Variants in MEOX2 observed in about 807,000 individuals in gnomAD.
MEOX2 encodes mesenchyme homeobox 2.
A neutral mutation model predicts 27.0 loss-of-function variants in MEOX2; 11 were observed. The observed-to-expected ratio is 0.41, with a 90% confidence interval of 0.26 to 0.68. The LOEUF is 0.68. Ranked by LOEUF, MEOX2 falls within the 30% of genes least tolerant of loss-of-function variation. MEOX2 has a pLI of 0.33. For missense variants in MEOX2, 436 were observed against 385.4 expected (o/e 1.13, Z -1.10); for synonymous variants, 189 against 155.4 (o/e 1.22, Z -1.61).
At chr7:15,655,766 T>C (rs1463455820) in intron 1 of MEOX2, among the ~76,000 whole-genome samples, 1 of 151,830 alleles carries the variant, frequency 6.6e-6, no homozygotes, top group Non-Finnish European at 1.5e-5. Context: ...TGTTTTATAG[T>C]TCAGGTTATG....
intron 1 of MEOX2, among the ~76,000 whole-genome samples, chr7:15,678,453 G>A (rs532641206): frequency 6.6e-6 from 1 of 152,112 alleles, no homozygotes; most frequent in South Asian, 2.1e-4. Context: ...TTTCCTGTTT[G>A]TGTTACCTAC....
At chr7:15,668,005 A>G (rs1782035697) in intron 1 of MEOX2, 1 of 152,094 alleles carries the variant, frequency 6.6e-6, no homozygotes, top group African/African-American at 2.4e-5. Flanking sequence ...ACATATTTAA[A>G]TTTCTTATTG....
intron 1 of MEOX2, among the ~76,000 whole-genome samples, chr7:15,637,503 G>A (rs1368043391): frequency 6.6e-6 from 1 of 151,374 alleles, no homozygotes; most frequent in Non-Finnish European, 1.5e-5. Context: ...CTCCTAAAAT[G>A]TAATTTTCCA....
At chr7:15,648,498 G>A (rs1440468475) in intron 1 of MEOX2, among the ~76,000 whole-genome samples, 1 of 152,010 alleles carries the variant, frequency 6.6e-6, no homozygotes, top group African/African-American at 2.4e-5. Context: ...ATCACTGCTG[G>A]GATACAGAGG....
At position 15,666,944 on chromosome 7, in the gene MEOX2, G is replaced by T. The variant is rs1426720910; in HGVS notation, c.517+18942C>A. Among the ~76,000 whole-genome samples, 3 of 150,716 alleles carry T rather than the reference G, an allele frequency of 2.0e-5. No individual in the cohort carries two copies. In the East Asian group the frequency reaches 5.9e-4, roughly 30 times the overall value. On this transcript the variant is annotated intron_variant, in intron 1 of 2. Transcript: ENST00000262041. The stretch of plus-strand genomic sequence containing the variant: ...GGTCCCTTATGTTTTTCTTCAAAAT[G>T]ATTAGATTCTGGCCACCATCTACTA...
intron 2 of MEOX2, among the ~76,000 whole-genome samples, chr7:15,617,507 AG>A (rs1415091703): frequency 2.0e-5 from 3 of 152,092 alleles, no homozygotes; most frequent in African/African-American, 7.2e-5. Flanking sequence ...AATGCTTAAA[AG>A]TAAAGGTGAA....
chr7:15,637,459 G>A (rs532260115), intron 1 of MEOX2, among the ~76,000 whole-genome samples: 2 of 151,840 alleles, frequency 1.3e-5, no homozygotes, highest in Admixed American at 6.6e-5. Flanking sequence ...TACTGAACAC[G>A]TGTGCTACCA....
chr7:15,646,762 T>C (rs1781657030), intron 1 of MEOX2, among the ~76,000 whole-genome samples: 1 of 151,944 alleles, frequency 6.6e-6, no homozygotes, highest in Non-Finnish European at 1.5e-5. Flanking sequence ...ATAAAACTAA[T>C]GTTCAGAATA....
intron 2 of MEOX2, among the ~76,000 whole-genome samples, chr7:15,613,874 T>C (rs555651766): frequency 4.9e-4 from 74 of 152,070 alleles, no homozygotes; most frequent in Non-Finnish European, 6.0e-4. Context: ...AATGCTGCTA[T>C]AGACATTCTT....
chr7:15,665,059 A>ACACT (rs975461973), intron 1 of MEOX2, among the ~76,000 whole-genome samples: 2 of 151,498 alleles, frequency 1.3e-5, no homozygotes, highest in African/African-American at 4.9e-5. Context: ...ACACACACAC[A>ACACT]CACACACACA....
intron 1 of MEOX2, among the ~76,000 whole-genome samples, chr7:15,661,029 AAAAAAAAAAAAAG>A (rs1009693194): frequency 4.0e-5 from 6 of 150,640 alleles, no homozygotes; most frequent in African/African-American, 1.5e-4. Context: ...AAAAAAAAAA[AAAAAAAAAAAAAG>A]AGAAAGAGAG....
chr7:15,682,877 A>G (rs1782314964), intron 1 of MEOX2, among the ~76,000 whole-genome samples: 1 of 151,968 alleles, frequency 6.6e-6, no homozygotes, highest in African/African-American at 2.4e-5. Flanking sequence ...AATGCTGGAA[A>G]GCGTAGCAGG....
At chr7:15,656,801 G>C (rs966595011) in intron 1 of MEOX2, among the ~76,000 whole-genome samples, 1 of 151,598 alleles carries the variant, frequency 6.6e-6, no homozygotes, top group Non-Finnish European at 1.5e-5. Flanking sequence ...TTTTCCTTTT[G>C]ATGTTCTAAG....
rs993249782 is a variant in MEOX2 at position 15,669,766 on chromosome 7, C to T, written c.517+16120G>A. Among the ~76,000 whole-genome samples, 13 of 152,198 alleles carry T rather than the reference C, an allele frequency of 8.5e-5. 1 individual carries two copies. Among genetic ancestry groups the T allele is most frequent in the Admixed American group, 7.9e-4 (12 of 15,280 alleles). ...TCTCCTTCTAAAAAGTTAAAAACTC[C>T]TCTAGTAGCTTCTGTTTCTCAGCTA... On this transcript the variant is annotated intron_variant, in intron 1 of 2. Coordinates refer to ENST00000262041, the MANE Select transcript of MEOX2 (RefSeq NM_005924.5).
intron 1 of MEOX2, among the ~76,000 whole-genome samples, chr7:15,639,824 G>T (rs1283859030): frequency 6.6e-6 from 1 of 152,010 alleles, no homozygotes; most frequent in Non-Finnish European, 1.5e-5. Flanking sequence ...TGATCTATGT[G>T]TCTATTGTAC....
chr7:15,615,810 C>T (rs972235730), intron 2 of MEOX2, among the ~76,000 whole-genome samples: 16 of 151,980 alleles, frequency 1.1e-4, no homozygotes, highest in South Asian at 6.2e-4. Flanking sequence ...TCATCATTGT[C>T]ACCAAGAGCT....
chr7:15,680,088 A>G (rs1328612594), intron 1 of MEOX2: 1 of 151,942 alleles, frequency 6.6e-6, no homozygotes, highest in Non-Finnish European at 1.5e-5. Flanking sequence ...AATTTCAAAT[A>G]TAGAGGAAAA....
intron 1 of MEOX2, among the ~76,000 whole-genome samples, chr7:15,650,933 T>C (rs1225257035): frequency 6.6e-6 from 1 of 151,910 alleles, no homozygotes; most frequent in African/African-American, 2.4e-5. Flanking sequence ...GAGGAGTTTG[T>C]CTAAAAGAGA....
intron 2 of MEOX2, among the ~76,000 whole-genome samples, chr7:15,616,641 C>A (rs73298595): frequency 2.6e-5 from 4 of 151,572 alleles, no homozygotes; most frequent in African/African-American, 9.7e-5. Context: ...ATCCAAATGC[C>A]TAAAATTTTA....
Sources: gnomAD v4.1 joint callset for allele counts (sites outside exome capture counted in the v4.1 genomes callset) on GRCh38, gnomAD v4.1.1 for gene constraint, MANE v1.5 for transcripts, NCBI Gene and HGNC (gene_info 2026-07-23, HGNC 2026-07-21) for gene names.